Variants in ZNF727 observed in about 807,000 individuals in gnomAD.
ZNF727 encodes putative zinc finger protein 727.
In ZNF727, 11 loss-of-function variants were observed where a neutral mutation model predicts 11.5. The ratio of observed to expected loss-of-function variants is 0.95; its 90% CI spans 0.60 to 1.58. The LOEUF is 1.58. Among genes scored for constraint, ZNF727 ranks in the 40% most tolerant of loss-of-function variants. The pLI is 0.00. For synonymous variants in ZNF727, 171 were observed against 196.1 expected, an observed-to-expected ratio of 0.87 and a Z score of 1.07; for missense variants, 533 against 581.7, an observed-to-expected ratio of 0.92 and a Z score of 0.86.
rs1785836195 is a variant in ZNF727, at chr7:64,084,042, G to T, written c.*5493G>T. Among the ~76,000 whole-genome samples, 1 of 152,170 alleles carries T rather than the reference G, an allele frequency of 6.6e-6. No individual in the cohort carries two copies. Among genetic ancestry groups the T allele is most frequent in the Admixed American group, 6.5e-5 (1 of 15,278 alleles). On this transcript the variant is annotated 3_prime_UTR_variant, in exon 4 of 4. Coordinates refer to ENST00000456806, the MANE Select transcript of ZNF727 (RefSeq NM_001159522.3). ...AACATGGTCAATGGTTGCTGCACCA[G>T]AGTTAGGAGAAGTTCTTCCGTATCA...
In ZNF727 at chr7:64,081,073, G is replaced by A. The variant is rs542231433; in HGVS notation, c.*2524G>A. Among the ~76,000 whole-genome samples the A allele has an allele frequency of 5.9e-5, 9 of 152,106 alleles. No homozygotes were observed. Among genetic ancestry groups the A allele is most frequent in the African/African-American group, 1.9e-4 (8 of 41,492 alleles). On this transcript the variant is annotated 3_prime_UTR_variant, in exon 4 of 4. Transcript: ENST00000456806. ...GAGTCTGCCACTCTGTGGGACTAAG[G>A]TGCCACAGCTGCTGCAGAGTGCTAG...
At chr7:64,066,887 T>C (rs191889023) in intron 1 of ZNF727, among the ~76,000 whole-genome samples, 1 of 152,076 alleles carries the variant, frequency 6.6e-6, no homozygotes, top group African/African-American at 2.4e-5. Context: ...GGGAGAAAAA[T>C]TTTGCAATCT....
In ZNF727 at chr7:64,082,622, C is replaced by A. The variant is rs1422187969; in HGVS notation, c.*4073C>A. Among the ~76,000 whole-genome samples, 1 of 152,082 alleles carries A rather than the reference C, an allele frequency of 6.6e-6. No individual in the cohort carries two copies. The highest frequency in any genetic ancestry group is 2.4e-5 in the African/African-American group (1 of 41,442). The stretch of plus-strand genomic sequence containing the variant: ...TGGGCGCAGTGGCTCATGCCTGTAA[C>A]CCTAGCACTTTGGGAGGCCGAGGCA... On this transcript the variant is annotated 3_prime_UTR_variant, in exon 4 of 4. Coordinates refer to ENST00000456806, the MANE Select transcript of ZNF727 (RefSeq NM_001159522.3).
rs1785731339 is a variant in ZNF727, at chr7:64,078,579, A to C, written c.*30A>C. 1.9e-6 allele frequency: 3 copies of C among 1,553,718 alleles called. No individual in the cohort carries two copies. The highest frequency in any genetic ancestry group is 2.4e-5 in the South Asian group (2 of 84,458). ...TACTGGAGATAAACCTTACAAATGT[A>C]ATGAATGTGGAAAAGCTTTTACGTG... is the stretch of plus-strand genomic sequence containing the variant. On this transcript the variant is annotated 3_prime_UTR_variant, in exon 4 of 4. Coordinates refer to ENST00000456806, the MANE Select transcript of ZNF727 (RefSeq NM_001159522.3).
At chr7:64,048,530 G>C (rs1789544029) in intron 1 of ZNF727, among the ~76,000 whole-genome samples, 1 of 152,312 alleles carries the variant, frequency 6.6e-6, no homozygotes, top group African/African-American at 2.4e-5. Flanking sequence ...ATTTGTGGTA[G>C]TGGGCAACTC....
At position 64,081,028 on chromosome 7, in the gene ZNF727, C is replaced by A. The variant is rs1194311874; in HGVS notation, c.*2479C>A. ...AGTTGTATTGAGCCCCAACTGTGTT[C>A]TGTGGCTCCTTGTGATTTGGAGTCT... On this transcript the variant is annotated 3_prime_UTR_variant, in exon 4 of 4. Transcript: ENST00000456806. Among the ~76,000 whole-genome samples, 1 of 151,876 alleles carries A rather than the reference C, an allele frequency of 6.6e-6. No individual in the cohort carries two copies. Among genetic ancestry groups the A allele is most frequent in the Non-Finnish European group, 1.5e-5 (1 of 67,994 alleles).
intron 1 of ZNF727, among the ~76,000 whole-genome samples, chr7:64,047,630 C>G (rs1227835178): frequency 6.6e-6 from 1 of 152,116 alleles, no homozygotes; most frequent in Non-Finnish European, 1.5e-5. Context: ...CATCTCCTTT[C>G]AGAGAAGAGC....
rs1356933812 is a variant in ZNF727 at position 64,077,729 on chromosome 7, C to T, written c.680C>T (p.Pro227Leu). The T allele has an allele frequency of 6.3e-7, 1 of 1,582,680 alleles. No homozygotes were observed. The part of the protein sequence containing the change: ...EHNRVHTGKK[P>L]YKCEECGKTF... ...AATAGAGTTCATACTGGAAAGAAAC[C>T]CTACAAATGTGAAGAATGTGGCAAA... is the stretch of plus-strand genomic sequence containing the variant. Residue 227 changes from proline (P) to leucine (L), a missense_variant, in exon 4 of 4, where the codon CCC (proline) becomes CTC (leucine). Around this residue, in one of 3 missense-constraint regions of ZNF727, gnomAD observed 463 missense variants for 494.5 expected, o/e 0.94. Transcript: ENST00000456806.
Position 64,077,842 on chromosome 7 carries a change from T to G in ZNF727, c.793T>G (p.Phe265Val), listed in dbSNP as rs1202864738. Residue 265 changes from phenylalanine (F) to valine (V), a missense_variant, in exon 4 of 4, where the codon TTT (phenylalanine) becomes GTT (valine). Coordinates refer to ENST00000456806, the MANE Select transcript of ZNF727 (RefSeq NM_001159522.3). ...PYKCEECHKA[F>V]RCCSDLTKHK... is the part of the protein sequence containing the mutation. ...CAAATGCGAAGAATGTCACAAAGCC[T>G]TTAGGTGTTGCTCAGACCTTACTAA... 2.6e-6 allele frequency: 4 copies of G among 1,564,000 alleles called. No homozygotes were observed. Among genetic ancestry groups the G allele is most frequent in the Non-Finnish European group, 3.5e-6 (4 of 1,154,044 alleles).
chr7:64,056,686 G>T (rs1206950059), intron 1 of ZNF727, among the ~76,000 whole-genome samples: 1 of 152,066 alleles, frequency 6.6e-6, no homozygotes, highest in Non-Finnish European at 1.5e-5. Flanking sequence ...AGTTTATTTA[G>T]TAGGAGCATC....
chr7:64,063,987 G>T (rs1195687669), intron 1 of ZNF727, among the ~76,000 whole-genome samples: 1 of 152,052 alleles, frequency 6.6e-6, no homozygotes, highest in Non-Finnish European at 1.5e-5. Flanking sequence ...TCAGCTTGTG[G>T]TGAACTCTGC....
intron 1 of ZNF727, among the ~76,000 whole-genome samples, chr7:64,062,863 C>A (rs1789795854): frequency 6.7e-6 from 1 of 149,840 alleles, no homozygotes; most frequent in Non-Finnish European, 1.5e-5. Flanking sequence ...TTCACTAATT[C>A]TTTCTTCTGC....
intron 3 of ZNF727, among the ~76,000 whole-genome samples, chr7:64,076,033 T>C (rs200331780): frequency 6.6e-6 from 1 of 151,820 alleles, no homozygotes; most frequent in East Asian, 1.9e-4. Context: ...AAATTTTGTT[T>C]ACTATTTTAT....
chr7:64,055,726 T>C (rs561772593), intron 1 of ZNF727, among the ~76,000 whole-genome samples: 1 of 152,252 alleles, frequency 6.6e-6, no homozygotes, highest in African/African-American at 2.4e-5. Flanking sequence ...TAATATTTCA[T>C]TGCATGTAAA....
intron 3 of ZNF727, among the ~76,000 whole-genome samples, chr7:64,071,479 A>G (rs748939020): frequency 2.0e-5 from 3 of 151,906 alleles, no homozygotes; most frequent in Admixed American, 2.0e-4. Context: ...TTATCATTAT[A>G]GTTGCCTTTT....
In ZNF727 at chr7:64,078,971, A is replaced by G. The variant is rs1422685314; in HGVS notation, c.*422A>G. On this transcript the variant is annotated 3_prime_UTR_variant, in exon 4 of 4. Transcript: ENST00000456806. ...CCTTAGAAAACATAAGAGAATTCAT[A>G]CTGGAGAGACACCCTACATCCATGA... Among the ~76,000 whole-genome samples the G allele has an allele frequency of 6.6e-6, 1 of 152,130 alleles. No individual in the cohort carries two copies. Among genetic ancestry groups the G allele is most frequent in the Non-Finnish European group, 1.5e-5 (1 of 68,016 alleles).
At chr7:64,045,701 C>T (rs373398150) in intron 1 of ZNF727, 77 bp downstream of exon 1, 3 of 1,541,704 alleles carry the variant, frequency 1.9e-6, no homozygotes, top group South Asian at 2.4e-5. Context: ...GCGGTGGGAT[C>T]TTGGCCTCGC....
chr7:64,052,473 A>G (rs1789616177), intron 1 of ZNF727, among the ~76,000 whole-genome samples: 2 of 148,872 alleles, frequency 1.3e-5, no homozygotes, highest in Admixed American at 1.4e-4. Flanking sequence ...CTCCCCAGCC[A>G]GATTGCGCAG....
intron 1 of ZNF727, among the ~76,000 whole-genome samples, chr7:64,062,018 T>C (rs1219577686): frequency 8.3e-6 from 1 of 120,142 alleles, no homozygotes; most frequent in Non-Finnish European, 1.9e-5. Flanking sequence ...TCTCCCAACT[T>C]TTTAACATTT....
Sources: gnomAD v4.1 joint callset for allele counts (sites outside exome capture counted in the v4.1 genomes callset) on GRCh38, gnomAD v4.1.1 for gene constraint, gnomAD v4.1.1 regional missense constraint, MANE v1.5 for transcripts, NCBI Gene and HGNC (gene_info 2026-07-23, HGNC 2026-07-21) for gene names.